The following GALNT16 variants were observed in gnomAD, a reference collection of about 807,000 sequenced individuals.
GALNT16 encodes polypeptide N-acetylgalactosaminyltransferase 16.
In GALNT16, 40 loss-of-function variants were observed where a neutral mutation model predicts 76.1. That is an observed-to-expected ratio of 0.53 (90% CI 0.41 to 0.68). The LOEUF (loss-of-function observed/expected upper bound fraction) is 0.68. GALNT16 is among the 30% of genes least tolerant of loss of function. GALNT16 has a pLI of 0.00. For missense variants in GALNT16, 621 were observed against 731.9 expected (o/e 0.85, Z 1.75); for synonymous variants, 276 against 285.2 (o/e 0.97, Z 0.32).
chr14:69,378,448 ACT>A, the GALNT16 span, among the ~76,000 whole-genome samples: 337 of 152,318 alleles, frequency 2.2e-3, 2 homozygotes, highest in African/African-American at 7.8e-3. Flanking sequence ...ATCAACCAAC[ACT>A]CTAAATCTCT....
chr14:69,382,177 C>A, the GALNT16 span, among the ~76,000 whole-genome samples: 2 of 152,220 alleles, frequency 1.3e-5, no homozygotes, highest in Non-Finnish European at 2.9e-5. Context: ...ATGCTTTATA[C>A]AATTAACATC....
chr14:69,343,380 A>G (rs1259180326), intron 12 of GALNT16, among the ~76,000 whole-genome samples: 1 of 152,234 alleles, frequency 6.6e-6, no homozygotes, highest in Non-Finnish European at 1.5e-5. Context: ...TTATAATCCC[A>G]GGTCCCAAAT....
At chr14:69,334,841 C>T (rs528942992) in intron 9 of GALNT16, among the ~76,000 whole-genome samples, 2 of 152,050 alleles carry the variant, frequency 1.3e-5, no homozygotes, top group East Asian at 1.9e-4. Flanking sequence ...GACGTGGAGA[C>T]GGGGGCGGTG....
At position 69,352,307 on chromosome 14, in the gene GALNT16, A is replaced by T; in HGVS notation, c.*139A>T. The T allele has an allele frequency of 1.3e-6, 1 of 790,584 alleles. No homozygotes were observed. The highest frequency in any genetic ancestry group is 2.0e-6 in the Non-Finnish European group (1 of 510,624). 49.0% of individuals were successfully genotyped at this position (790,584 alleles called of 1,614,324 possible). A position where few individuals can be genotyped will look rare whatever the true frequency, so the allele number is the denominator to read the frequency against. On this transcript the variant is annotated 3_prime_UTR_variant, in exon 15 of 15. Transcript: ENST00000448469. Reference sequence around the variant, plus strand: ...CATCAGCAAATACCCACCATGACACACGTTCTCCAAAGCTTGTTCTAGGAG... The same window carrying T: ...CATCAGCAAATACCCACCATGACACTCGTTCTCCAAAGCTTGTTCTAGGAG...
chr14:69,259,970 C>A, upstream of GALNT16: 1 of 216,316 alleles, frequency 4.6e-6, no homozygotes, highest in Non-Finnish European at 9.0e-6. Context: ...TCCCACTCGG[C>A]GCGCTTCTCT....
intron 2 of GALNT16, among the ~76,000 whole-genome samples, chr14:69,321,877 T>C (rs1205468332): frequency 6.6e-6 from 1 of 152,222 alleles, no homozygotes; most frequent in Non-Finnish European, 1.5e-5. Flanking sequence ...AGCTGTGTGC[T>C]CAAAGCTAGG....
chr14:69,282,651 T>C (rs1202790791), intron 1 of GALNT16, among the ~76,000 whole-genome samples: 1 of 31,168 alleles, frequency 3.2e-5, no homozygotes, highest in Non-Finnish European at 5.7e-5. Context: ...GAATTTGTCC[T>C]ATTTATTTAT....
intron 9 of GALNT16, among the ~76,000 whole-genome samples, chr14:69,335,144 A>G (rs1268400260): frequency 2.0e-5 from 3 of 152,218 alleles, no homozygotes; most frequent in Non-Finnish European, 2.9e-5. Context: ...GCAAAGGCAC[A>G]GTCTATGTCT....
intron 12 of GALNT16, among the ~76,000 whole-genome samples, chr14:69,344,664 C>T (rs576905100): frequency 2.6e-5 from 4 of 152,160 alleles, no homozygotes; most frequent in African/African-American, 4.8e-5. Context: ...GGGTTTCTTC[C>T]GTAAGCATCA....
chr14:69,316,727 CCCAGAGAGCGCCTCAGG>C (rs1343843004), intron 1 of GALNT16, among the ~76,000 whole-genome samples: 2 of 140,736 alleles, frequency 1.4e-5, no homozygotes, highest in African/African-American at 5.6e-5. Context: ...GTGACACCTG[CCCAGAGAGCGCCTCAGG>C]CCATTGTGAG....
At chr14:69,310,698 A>T (rs2045005684) in intron 1 of GALNT16, among the ~76,000 whole-genome samples, 1 of 152,100 alleles carries the variant, frequency 6.6e-6, no homozygotes, top group South Asian at 2.1e-4. Context: ...CTGTTTTCTG[A>T]TGGAATGAAA....
At chr14:69,317,971 A>T (rs2045125816) in intron 1 of GALNT16, among the ~76,000 whole-genome samples, 1 of 152,202 alleles carries the variant, frequency 6.6e-6, no homozygotes, top group Non-Finnish European at 1.5e-5. Flanking sequence ...GGAGAGAGGA[A>T]GTGAAAGCCC....
chr14:69,300,848 G>A (rs2044841620), intron 1 of GALNT16, among the ~76,000 whole-genome samples: 1 of 152,172 alleles, frequency 6.6e-6, no homozygotes, highest in African/African-American at 2.4e-5. Context: ...TGGGACATAG[G>A]AAGTCAGAGG....
the GALNT16 span, among the ~76,000 whole-genome samples, chr14:69,385,420 A>G: frequency 6.6e-6 from 1 of 152,078 alleles, no homozygotes; most frequent in Admixed American, 6.5e-5. Flanking sequence ...AGATAACTGA[A>G]GCATACAGAA....
the GALNT16 span, among the ~76,000 whole-genome samples, chr14:69,379,721 C>T: frequency 1.3e-5 from 2 of 152,170 alleles, no homozygotes; most frequent in African/African-American, 4.8e-5. Context: ...TGGTTTTTCC[C>T]TTGCCCTTAT....
intron 10 of GALNT16, among the ~76,000 whole-genome samples, chr14:69,339,253 T>A (rs528386353): frequency 5.3e-5 from 8 of 152,226 alleles, no homozygotes; most frequent in Admixed American, 4.6e-4. Flanking sequence ...ATGAGCACCC[T>A]CGTACATGTG....
intron 7 of GALNT16, among the ~76,000 whole-genome samples, chr14:69,332,828 T>TC (rs71102645): frequency 0.38 from 55,878 of 147,544 alleles, 11,174 homozygotes; most frequent in Non-Finnish European, 0.46. Context: ...GTTTTCTTCT[T>TC]TTTTTTTTTT....
At chr14:69,345,342 G>T (rs2045547606) in intron 12 of GALNT16, among the ~76,000 whole-genome samples, 1 of 152,178 alleles carries the variant, frequency 6.6e-6, no homozygotes, top group Non-Finnish European at 1.5e-5. Context: ...GCTGCCAGGG[G>T]TGTGGGAGAG....
At chr14:69,260,066 G>C (rs867932626), upstream of GALNT16, 150 of 499,082 alleles carry the variant, frequency 3.0e-4, 2 homozygotes, top group Middle Eastern at 3.2e-3. Flanking sequence ...GCGCCCGGGG[G>C]ACGCGCGCGC....
Sources: gnomAD v4.1 joint callset for allele counts (sites outside exome capture counted in the v4.1 genomes callset) on GRCh38, gnomAD v4.1.1 for gene constraint, MANE v1.5 for transcripts, NCBI Gene and HGNC (gene_info 2026-07-23, HGNC 2026-07-21) for gene names.